ADGRF5: variants seen among roughly 807,000 people sequenced by gnomAD.
ADGRF5 encodes adhesion G protein-coupled receptor F5, also known as G-protein coupled receptor 116.
A neutral mutation model predicts 132.3 loss-of-function variants in ADGRF5; 75 were observed. The ratio of observed to expected loss-of-function variants is 0.57; its 90% CI spans 0.47 to 0.69. The LOEUF is 0.69. ADGRF5 is among the 30% of genes least tolerant of loss of function. ADGRF5 has a pLI of 0.00. For synonymous variants in ADGRF5, 629 were observed against 597.6 expected, an observed-to-expected ratio of 1.05 and a Z score of -0.77; for missense variants, 1,516 against 1,630.6, an observed-to-expected ratio of 0.93 and a Z score of 1.21.
intron 4 of ADGRF5, among the ~76,000 whole-genome samples, chr6:46,884,517 A>G (rs1320713662): frequency 6.6e-6 from 1 of 152,232 alleles, no homozygotes; most frequent in Non-Finnish European, 1.5e-5. Flanking sequence ...GTCATCTTTT[A>G]GATAGTCATG....
rs1769367819 is a variant in ADGRF5, at chr6:46,858,852, A to G, written c.3051T>C (p.Tyr1017=). 1 of 1,613,930 alleles carries G rather than the reference A, an allele frequency of 6.2e-7. No homozygotes were observed. ...TCAAGATGGAAAAGCCCACCCCAAC[A>G]TAAGAAATAATATCCAGGAGTATTC... ...LLGILLDIIS[Y]VGVGFSILSL... is the part of the protein sequence containing the mutation. Residue 1017 remains tyrosine (Y), a synonymous_variant, in exon 17 of 21, where the codon TAT becomes TAC. Transcript: ENST00000283296.
rs192169166 is a variant in ADGRF5, at chr6:46,951,946, G to A, written c.-25+2788C>T. ...TTGACTCAGAGAAATACAGAGCACC[G>A]CCTTCCAAATTACCATGAAGCATGA... On this transcript the variant is annotated intron_variant, in intron 1 of 20. Transcript: ENST00000265417. 1.4e-4 allele frequency among the ~76,000 whole-genome samples: 21 copies of A among 152,310 alleles called. No individual in the cohort carries two copies. The East Asian group carries it at 1.9e-3, about 14-fold the overall frequency.
At chr6:46,889,096 A>G (rs560196596) in intron 3 of ADGRF5, among the ~76,000 whole-genome samples, 1 of 151,428 alleles carries the variant, frequency 6.6e-6, no homozygotes, top group South Asian at 2.1e-4. Context: ...CCGGGTGGTT[A>G]CCTGGCTTGC....
chr6:46,934,561 A>G (rs892884668), intron 1 of ADGRF5, among the ~76,000 whole-genome samples: 32 of 152,236 alleles, frequency 2.1e-4, no homozygotes, highest in African/African-American at 7.7e-4. Flanking sequence ...AAACAAAAAT[A>G]AAAACTCTAT....
chr6:46,871,973 G>A lies in ADGRF5; in HGVS notation c.1281C>T (p.Tyr427=). The change falls in exon 11 of 21, where the codon TAC becomes TAT. Residue 427 remains tyrosine, a synonymous_variant. Coordinates refer to ENST00000283296, the MANE Select transcript of ADGRF5 (RefSeq NM_001098518.2). Reference sequence around the variant, plus strand: ...ACTGGGTTCCATCAGCCTTGAGGGTGTATCTGCTGCAGCTAGAATCTATGT... The same window carrying A: ...ACTGGGTTCCATCAGCCTTGAGGGTATATCTGCTGCAGCTAGAATCTATGT... The part of the protein sequence containing the change: ...ETDIDSSCSR[Y]TLKADGTQCP... The A allele has an allele frequency of 6.2e-7, 1 of 1,612,022 alleles. No individual in the cohort carries two copies. Among genetic ancestry groups the A allele is most frequent in the East Asian group, 2.2e-5 (1 of 44,854 alleles).
At chr6:46,932,674 T>G (rs1384316185) in intron 1 of ADGRF5, among the ~76,000 whole-genome samples, 2 of 152,136 alleles carry the variant, frequency 1.3e-5, no homozygotes, top group African/African-American at 4.8e-5. Flanking sequence ...AAGGGTGACA[T>G]CGCTAGATCA....
chr6:46,940,670 T>C (rs529183767), intron 1 of ADGRF5, among the ~76,000 whole-genome samples: 5 of 152,272 alleles, frequency 3.3e-5, no homozygotes, highest in African/African-American at 1.2e-4. Context: ...GACTCAAGTG[T>C]TTGCTTTGGG....
chr6:46,857,373 G>A (rs1402171892), intron 17 of ADGRF5, among the ~76,000 whole-genome samples: 1 of 152,186 alleles, frequency 6.6e-6, no homozygotes, highest in African/African-American at 2.4e-5. Flanking sequence ...GCAGTATCTC[G>A]AGTGTGCCTC....
At chr6:46,950,030 T>C (rs1490930998) in intron 1 of ADGRF5, among the ~76,000 whole-genome samples, 1 of 152,222 alleles carries the variant, frequency 6.6e-6, no homozygotes, top group African/African-American at 2.4e-5. Flanking sequence ...ATGATATTTT[T>C]TGCAGACCTT....
intron 3 of ADGRF5, among the ~76,000 whole-genome samples, chr6:46,895,983 C>A (rs2150871913): frequency 6.6e-6 from 1 of 152,206 alleles, no homozygotes; most frequent in South Asian, 2.1e-4. Flanking sequence ...TGTCCTTCAT[C>A]CCCAAGTCAC....
At chr6:46,944,732 T>TA (rs1310132798) in intron 1 of ADGRF5, among the ~76,000 whole-genome samples, 2 of 152,214 alleles carry the variant, frequency 1.3e-5, no homozygotes, top group Non-Finnish European at 2.9e-5. Flanking sequence ...TAGAGATTTT[T>TA]AAAAGGATGA....
At position 46,858,958 on chromosome 6, in the gene ADGRF5, T is replaced by C. The variant is rs1581723838; in HGVS notation, c.2945A>G (p.Asn982Ser). The C allele has an allele frequency of 6.2e-7, 1 of 1,612,680 alleles. No homozygotes were observed. The highest frequency in any genetic ancestry group is 8.5e-7 in the Non-Finnish European group (1 of 1,178,690). Residue 982 changes from asparagine to serine, a missense_variant, in exon 17 of 21, where the codon AAT becomes AGT. Asn to Ser is a conservative substitution (Grantham distance 46, BLOSUM62 1). Around this residue, in one of 2 missense-constraint regions of ADGRF5, gnomAD observed 571 missense variants for 701.2 expected, o/e 0.81. Transcript: ENST00000283296. ...GCYVEEGDGD[N>S]VTCICDHLTS... is the part of the protein sequence containing the mutation. Reference sequence around the variant, plus strand: ...TAGGTGGTCACAGATACAGGTGACATTGTCCCCATCACCTTCTTCTACATA... The same window carrying C: ...TAGGTGGTCACAGATACAGGTGACACTGTCCCCATCACCTTCTTCTACATA...
intron 3 of ADGRF5, among the ~76,000 whole-genome samples, chr6:46,892,574 A>G (rs1003126988): frequency 6.6e-6 from 1 of 152,038 alleles, no homozygotes; most frequent in African/African-American, 2.4e-5. Flanking sequence ...ACACAGTGAA[A>G]CGCCATCTCT....
upstream of ADGRF5, among the ~76,000 whole-genome samples, chr6:46,922,675 C>T (rs115697768): frequency 1.1e-3 from 173 of 152,260 alleles, 1 homozygote; most frequent in African/African-American, 3.6e-3. Flanking sequence ...GGTCAGAACA[C>T]GGATGGGGAA....
intron 1 of ADGRF5, among the ~76,000 whole-genome samples, chr6:46,951,864 G>A (rs1206124147): frequency 6.6e-6 from 1 of 152,198 alleles, no homozygotes; most frequent in African/African-American, 2.4e-5. Flanking sequence ...TAATGTCAAT[G>A]GCTGAACATG....
chr6:46,897,897 T>C (rs1233307881), intron 3 of ADGRF5, among the ~76,000 whole-genome samples: 1 of 152,182 alleles, frequency 6.6e-6, no homozygotes, highest in Non-Finnish European at 1.5e-5. Flanking sequence ...TACCTAGGTT[T>C]TTCTATGGCC....
intron 20 of ADGRF5, chr6:46,854,659 G>A (rs1768832891): frequency 1.0e-6 from 1 of 1,004,922 alleles, no homozygotes; most frequent in Admixed American, 2.3e-5. Flanking sequence ...ACTGTGCACA[G>A]GGAGTGGGCA....
chr6:46,871,911 G>A lies in ADGRF5; in HGVS notation c.1343C>T (p.Thr448Ile), dbSNP rs750032857. 1.7e-5 allele frequency: 28 copies of A among 1,613,234 alleles called. No individual in the cohort carries two copies. The highest frequency in any genetic ancestry group is 2.4e-5 in the Non-Finnish European group (28 of 1,179,442). The change falls in exon 11 of 21, where the codon ACT (threonine) becomes ATT (isoleucine). Residue 448 changes from threonine to isoleucine, a missense_variant. By Grantham distance (89) the Thr-to-Ile change is moderately conservative. This residue lies in a region of ADGRF5 where 945 missense variants were observed against 929.4 expected (regional missense o/e 1.02). Coordinates refer to ENST00000283296, the MANE Select transcript of ADGRF5 (RefSeq NM_001098518.2). ...TCCATAGGCACTGATGAACTCACAA[G>A]TGTAGATGACTGTTGTTCCAGACGA... The part of the protein sequence containing the change: ...SGSSGTTVIY[T>I]CEFISAYGAR...
rs745886705 is a variant in ADGRF5, at chr6:46,878,278, A to C, written c.1164T>G (p.Ser388=). 1 of 1,613,886 alleles carries C rather than the reference A, an allele frequency of 6.2e-7. No individual in the cohort carries two copies. Among genetic ancestry groups the C allele is most frequent in the Admixed American group, 1.7e-5 (1 of 60,014 alleles). Residue 388 remains serine (S), a synonymous_variant, in exon 10 of 21, where the codon TCT becomes TCG. Coordinates refer to ENST00000283296, the MANE Select transcript of ADGRF5 (RefSeq NM_001098518.2). ...CATTACCCTGACTGCAGCAGTTCAA[A>C]GATACAGGATTGTTGTCGCACATCA... The part of the protein sequence containing the change: ...MKVMCDNNPV[S]LNCCSQGNVN...
Sources: allele counts gnomAD v4.1 joint callset (sites outside exome capture counted in the v4.1 genomes callset), GRCh38; gene constraint gnomAD v4.1.1; regional missense constraint gnomAD v4.1.1; transcripts MANE v1.5; gene names NCBI Gene and HGNC (gene_info 2026-07-23, HGNC 2026-07-21).